The following C1orf87 variants were observed in gnomAD, a reference collection of about 807,000 sequenced individuals.
C1orf87 encodes the protein chromosome 1 open reading frame 87.
C1orf87 carries 58 observed loss-of-function variants against 60.5 expected under a neutral mutation model. The ratio of observed to expected loss-of-function variants is 0.96; its 90% CI spans 0.78 to 1.19. The LOEUF is 1.19. Among genes scored for constraint, C1orf87 ranks in the 50% most tolerant of loss-of-function variants. C1orf87 has a pLI of 0.00. For missense variants in C1orf87, 673 were observed against 638.6 expected, an observed-to-expected ratio of 1.05 and a Z score of -0.58; for synonymous variants, 236 against 227.4, an observed-to-expected ratio of 1.04 and a Z score of -0.34.
intron 10 of C1orf87, among the ~76,000 whole-genome samples, 161 bp from the exon 11 acceptor site, chr1:59,997,977 T>A (rs2100237311): frequency 6.6e-6 from 1 of 152,292 alleles, no homozygotes; most frequent in South Asian, 2.1e-4. Flanking sequence ...TAAGATCATA[T>A]CTGCCAAATC....
intron 8 of C1orf87, among the ~76,000 whole-genome samples, chr1:60,016,355 C>A (rs1645124352): frequency 6.6e-6 from 1 of 152,098 alleles, no homozygotes; most frequent in African/African-American, 2.4e-5. Context: ...AATTCTTTAT[C>A]CAATCAAGTC....
intron 2 of C1orf87, among the ~76,000 whole-genome samples, chr1:60,056,026 A>C (rs946516418): frequency 1.3e-5 from 2 of 152,126 alleles, no homozygotes; most frequent in African/African-American, 4.8e-5. Context: ...CGGGTGGATC[A>C]TGAGGTCAGG....
intron 9 of C1orf87, among the ~76,000 whole-genome samples, chr1:60,009,783 C>T (rs1645070199): frequency 6.6e-6 from 1 of 152,016 alleles, no homozygotes; most frequent in Non-Finnish European, 1.5e-5. Context: ...TTAAAACTTG[C>T]TAATTGCTAA....
intron 7 of C1orf87, among the ~76,000 whole-genome samples, chr1:60,030,296 A>G (rs186665850): frequency 7.2e-5 from 11 of 152,346 alleles, no homozygotes; most frequent in Admixed American, 4.6e-4. Flanking sequence ...CAAAGTTAGT[A>G]AAAATCTTTT....
At chr1:60,026,648 A>C (rs1397177159) in intron 7 of C1orf87, among the ~76,000 whole-genome samples, 1 of 152,204 alleles carries the variant, frequency 6.6e-6, no homozygotes, top group African/African-American at 2.4e-5. Flanking sequence ...TGTGTGGACT[A>C]TTTACACTAA....
At chr1:60,032,098 A>T (rs1221613761) in intron 7 of C1orf87, among the ~76,000 whole-genome samples, 1 of 152,152 alleles carries the variant, frequency 6.6e-6, no homozygotes, top group Non-Finnish European at 1.5e-5. Flanking sequence ...ATAAGAACTC[A>T]TTTTCAGCAT....
chr1:60,002,201 A>G (rs1278714618), intron 9 of C1orf87, among the ~76,000 whole-genome samples: 1 of 152,110 alleles, frequency 6.6e-6, no homozygotes, highest in Non-Finnish European at 1.5e-5. Context: ...GAGGCAGTGT[A>G]CCATAGTGGT....
At chr1:59,990,861 T>G (rs746399859) in intron 11 of C1orf87, 28 bp from the exon 12 acceptor site, 4 of 1,607,686 alleles carry the variant, frequency 2.5e-6, no homozygotes, top group Non-Finnish European at 3.4e-6. Context: ...AGGAGGAAGG[T>G]TTTTTAAAGA....
rs1233802459 is a variant in C1orf87 at position 60,038,067 on chromosome 1, G to T, written c.788C>A (p.Ala263Glu). The change falls in exon 6 of 12, where the codon GCA becomes GAA. Residue 263 changes from alanine to glutamate, a missense_variant. Ala to Glu is a moderately radical substitution (Grantham distance 107). Transcript: ENST00000371201. ...EKLLWFLNSA[A>E]SDYPQQNKAA... is the part of the protein sequence containing the mutation. ...TTTATTTTGCTGTGGATAATCTGAT[G>T]CTGCACTGTTTAAAAACCAGAGTAG... The T allele has an allele frequency of 2.5e-6, 4 of 1,597,262 alleles. No individual in the cohort carries two copies. The South Asian group carries it at 4.5e-5, about 18-fold the overall frequency.
chr1:60,036,511 T>C (rs1037085724), intron 6 of C1orf87, among the ~76,000 whole-genome samples: 1 of 152,222 alleles, frequency 6.6e-6, no homozygotes, highest in Non-Finnish European at 1.5e-5. Flanking sequence ...GTACTTACTA[T>C]GTACCAGGCA....
intron 8 of C1orf87, among the ~76,000 whole-genome samples, chr1:60,023,523 A>AT: frequency 6.6e-6 from 1 of 152,286 alleles, no homozygotes; most frequent in Middle Eastern, 3.4e-3. Flanking sequence ...AATAAACCTC[A>AT]TTTTTTAAAA....
At chr1:60,070,443 G>A (rs1304411589) in intron 2 of C1orf87, among the ~76,000 whole-genome samples, 1 of 152,090 alleles carries the variant, frequency 6.6e-6, no homozygotes, top group East Asian at 1.9e-4. Context: ...GCATTTTGAG[G>A]CCCTGGTTTA....
intron 7 of C1orf87, 46 bp from the exon 8 acceptor site, chr1:60,025,544 T>C (rs750359105): frequency 7.2e-7 from 1 of 1,395,084 alleles, no homozygotes; most frequent in Non-Finnish European, 9.9e-7. Flanking sequence ...TTCACTAGGA[T>C]ACAAAATGTT....
intron 9 of C1orf87, among the ~76,000 whole-genome samples, chr1:60,003,058 C>T (rs1645018464): frequency 6.7e-6 from 1 of 150,108 alleles, no homozygotes; most frequent in Non-Finnish European, 1.5e-5. Context: ...ATAGCAAAGA[C>T]TTGGAACCAA....
At chr1:60,033,094 G>C (rs1242934151) in intron 7 of C1orf87, among the ~76,000 whole-genome samples, 1 of 152,112 alleles carries the variant, frequency 6.6e-6, no homozygotes, top group East Asian at 1.9e-4. Context: ...AATTACATCG[G>C]TCCCTAAAAT....
rs376964316 is a variant in C1orf87, at chr1:60,055,184, G to A, written c.342+20C>T. 1.4e-5 allele frequency: 21 copies of A among 1,551,506 alleles called. No homozygotes were observed. The highest frequency in any genetic ancestry group is 2.2e-5 in the South Asian group (2 of 89,612). ...CCTAATAAATTATCAAGATAAACGT[G>A]GGTATTTTTTGTCACTCACATTGCC... On this transcript the variant is annotated intron_variant, in intron 3 of 11. Transcript: ENST00000371201.
chr1:60,014,841 T>C (rs1050680899), intron 8 of C1orf87, among the ~76,000 whole-genome samples: 4 of 152,324 alleles, frequency 2.6e-5, no homozygotes, highest in Non-Finnish European at 4.4e-5. Context: ...CTTTCCCGTC[T>C]CTTACCTGGT....
In C1orf87 at chr1:59,990,673, T is replaced by G; in HGVS notation, c.1641A>C (p.Ter547CysextTer1). ...EPALRYLKEL[*>C] ...CTGTTCTCACAATATGGGCTTGTTA[T>G]CATAGCTCCTTTAAGTACCGCAGTG... Residue 547 changes from the stop codon to cysteine (C), a stop_lost, in exon 12 of 12, where the codon TGA becomes TGC. Coordinates refer to ENST00000371201, the MANE Select transcript of C1orf87 (RefSeq NM_152377.3). 6.2e-7 allele frequency: 1 copy of G among 1,613,854 alleles called. No individual in the cohort carries two copies. Among genetic ancestry groups the G allele is most frequent in the Admixed American group, 1.7e-5 (1 of 60,004 alleles).
chr1:60,070,589 A>G (rs1273328721), intron 2 of C1orf87, among the ~76,000 whole-genome samples: 1 of 152,204 alleles, frequency 6.6e-6, no homozygotes, highest in African/African-American at 2.4e-5. Flanking sequence ...TTAGCAATGC[A>G]CATCAATTAT....
Sources: allele counts gnomAD v4.1 joint callset (sites outside exome capture counted in the v4.1 genomes callset), GRCh38; gene constraint gnomAD v4.1.1; transcripts MANE v1.5; gene names NCBI Gene and HGNC (gene_info 2026-07-23, HGNC 2026-07-21).